The following SEMA6D variants were observed in gnomAD, a reference collection of about 807,000 sequenced individuals.
SEMA6D encodes semaphorin-6D.
A neutral mutation model predicts 106.6 loss-of-function variants in SEMA6D; 35 were observed. The observed-to-expected ratio is 0.33, with a 90% CI of 0.25 to 0.44. SEMA6D has a LOEUF of 0.44. Among genes scored for constraint, SEMA6D ranks in the 20% least tolerant of loss-of-function variants. The pLI is 1.00. For missense variants in SEMA6D, 1,185 were observed against 1,345.9 expected (o/e 0.88, Z 1.87); for synonymous variants, 499 against 487.7 (o/e 1.02, Z -0.31).
At chr15:47,507,028 G>T (rs1412241460) in intron 3 of SEMA6D, among the ~76,000 whole-genome samples, 1 of 152,134 alleles carries the variant, frequency 6.6e-6, no homozygotes, top group African/African-American at 2.4e-5. Flanking sequence ...TCACTCTAGG[G>T]TCTCTATCAT....
At chr15:47,369,171 C>T (rs2039176886) in intron 1 of SEMA6D, among the ~76,000 whole-genome samples, 1 of 152,082 alleles carries the variant, frequency 6.6e-6, no homozygotes, top group Non-Finnish European at 1.5e-5. Context: ...GAGTGCTGGT[C>T]GTAATCTAGA....
intron 2 of SEMA6D, among the ~76,000 whole-genome samples, chr15:47,469,616 T>G (rs541838025): frequency 1.3e-5 from 2 of 152,264 alleles, no homozygotes; most frequent in East Asian, 1.9e-4. Context: ...GCTCATCTAT[T>G]GTAAAAGTAT....
intron 3 of SEMA6D, among the ~76,000 whole-genome samples, chr15:47,598,127 C>G (rs2076574482): frequency 6.6e-6 from 1 of 151,918 alleles, no homozygotes; most frequent in South Asian, 2.1e-4. Flanking sequence ...AGGACCACCA[C>G]CTCTTTGTTC....
Position 47,763,883 on chromosome 15 carries a change from A to G in SEMA6D, c.781A>G (p.Asn261Asp). Residue 261 changes from asparagine to aspartate, a missense_variant, in exon 10 of 19, where the codon AAC (asparagine) becomes GAC (aspartate). Transcript: ENST00000536845. ...VYSRVARICK[N>D]DMGGSQRVLE... The stretch of plus-strand genomic sequence containing the variant: ...TTCCCGCGTGGCCCGCATATGTAAA[A>G]ACGACATGGGTGGTTCCCAGCGGGT... 6.2e-7 allele frequency: 1 copy of G among 1,613,552 alleles called. No individual in the cohort carries two copies. The highest frequency in any genetic ancestry group is 8.5e-7 in the Non-Finnish European group (1 of 1,179,852).
chr15:47,225,099 C>A (rs984286542), intron 1 of SEMA6D, among the ~76,000 whole-genome samples: 3 of 151,806 alleles, frequency 2.0e-5, no homozygotes, highest in Non-Finnish European at 2.9e-5. Flanking sequence ...GTAGATCTGC[C>A]CTTTATCACT....
chr15:47,520,189 C>T (rs1470154037), intron 3 of SEMA6D, among the ~76,000 whole-genome samples: 4 of 152,174 alleles, frequency 2.6e-5, no homozygotes, highest in Non-Finnish European at 5.9e-5. Flanking sequence ...CTGGCTGATA[C>T]AAAATCAATT....
intron 1 of SEMA6D, among the ~76,000 whole-genome samples, chr15:47,204,857 C>G (rs1213722477): frequency 6.6e-6 from 1 of 152,006 alleles, no homozygotes; most frequent in Non-Finnish European, 1.5e-5. Context: ...AAAGGTTAAA[C>G]TTGTTAAAGT....
intron 4 of SEMA6D, among the ~76,000 whole-genome samples, chr15:47,665,057 G>A (rs1047378878): frequency 1.3e-5 from 2 of 151,988 alleles, no homozygotes; most frequent in African/African-American, 4.8e-5. Flanking sequence ...TATTTCAGAG[G>A]CTCGTTATTC....
At position 47,234,783 on chromosome 15, in the gene SEMA6D, A is replaced by G. The variant is rs566594950; in HGVS notation, c.-239+50365A>G. ...CTTAGGTTGGCTCCATATCTTTGCA[A>G]TTGTGAATTGTGCTGCCATAAACAT... On this transcript the variant is annotated intron_variant, in intron 1 of 19. Coordinates refer to the SEMA6D transcript ENST00000558014. 2.6e-5 allele frequency among the ~76,000 whole-genome samples: 4 copies of G among 152,168 alleles called. No homozygotes were observed. In the South Asian group the frequency reaches 6.2e-4, roughly 24 times the overall value.
chr15:47,656,376 C>G (rs2077795105), intron 4 of SEMA6D, among the ~76,000 whole-genome samples: 1 of 152,122 alleles, frequency 6.6e-6, no homozygotes. Context: ...AACATAGCTA[C>G]CATGAATAAT....
chr15:47,759,941 G>T, intron 2 of SEMA6D, 34 bp downstream of exon 2: 1 of 1,456,464 alleles, frequency 6.9e-7, no homozygotes, highest in Non-Finnish European at 9.6e-7. Flanking sequence ...TCTATTCTGA[G>T]AAGGAAGCTT....
In SEMA6D at chr15:47,359,068, T is replaced by C. The variant is rs2038700192; in HGVS notation, c.-238-53325T>C. Among the ~76,000 whole-genome samples, 7 of 152,242 alleles carry C rather than the reference T, an allele frequency of 4.6e-5. No homozygotes were observed. The South Asian group carries it at 1.5e-3, about 32-fold the overall frequency. On this transcript the variant is annotated intron_variant, in intron 1 of 19. Transcript: ENST00000558014. The stretch of plus-strand genomic sequence containing the variant: ...CATGTCATGCCCTTAGGTATCTAGA[T>C]GCAGGTATTCCCGCACAGGACTAGA...
intron 3 of SEMA6D, among the ~76,000 whole-genome samples, chr15:47,582,251 T>C (rs949887124): frequency 6.6e-6 from 1 of 152,184 alleles, no homozygotes; most frequent in African/African-American, 2.4e-5. Context: ...TCCAGAGTGC[T>C]CCTTGCTTTC....
At position 47,686,969 on chromosome 15, in the gene SEMA6D, G is replaced by A. The variant is rs1282858237; in HGVS notation, c.-54-72776G>A. ...TAGTCCTAGCTACTCAGGAGGCTGA[G>A]GCAGGAAGATCGCTTGAGCCCAGGA... On this transcript the variant is annotated intron_variant, in intron 4 of 19. Transcript: ENST00000558014. Among the ~76,000 whole-genome samples, 5 of 151,790 alleles carry A rather than the reference G, an allele frequency of 3.3e-5. No individual in the cohort carries two copies. The South Asian group carries it at 6.3e-4, about 19-fold the overall frequency.
At chr15:47,499,869 CT>C (rs901956222) in intron 3 of SEMA6D, among the ~76,000 whole-genome samples, 12 of 151,154 alleles carry the variant, frequency 7.9e-5, no homozygotes, top group African/African-American at 2.7e-4. Flanking sequence ...GTGGGTCAAG[CT>C]TTTTTTTTGT....
intron 1 of SEMA6D, among the ~76,000 whole-genome samples, chr15:47,195,442 T>C (rs559967269): frequency 6.6e-6 from 1 of 152,338 alleles, no homozygotes; most frequent in Admixed American, 6.5e-5. Flanking sequence ...CACAGCTCTT[T>C]GACATATATA....
intron 1 of SEMA6D, among the ~76,000 whole-genome samples, chr15:47,189,750 C>T (rs942386064): frequency 2.0e-5 from 3 of 152,120 alleles, no homozygotes; most frequent in South Asian, 2.1e-4. Context: ...TGAACTGAAA[C>T]GAACTATCAA....
intron 3 of SEMA6D, among the ~76,000 whole-genome samples, chr15:47,478,373 A>G (rs1297595418): frequency 1.3e-5 from 2 of 152,214 alleles, no homozygotes; most frequent in African/African-American, 4.8e-5. Context: ...ATGTAATTAA[A>G]GTAATTACAG....
At chr15:47,669,805 A>G (rs777797903) in intron 4 of SEMA6D, among the ~76,000 whole-genome samples, 1 of 152,180 alleles carries the variant, frequency 6.6e-6, no homozygotes, top group Non-Finnish European at 1.5e-5. Flanking sequence ...TGTGGTCTAC[A>G]ACAAACCGCC....
Sources: allele counts gnomAD v4.1 joint callset (sites outside exome capture counted in the v4.1 genomes callset), GRCh38; gene constraint gnomAD v4.1.1; transcripts MANE v1.5; gene names NCBI Gene and HGNC (gene_info 2026-07-23, HGNC 2026-07-21).